The following UBAC2 variants were observed in gnomAD, a reference collection of about 807,000 sequenced individuals.
UBAC2 encodes UBA domain containing 2.
Under a neutral mutation model 44.0 loss-of-function variants are expected in UBAC2, and 26 were observed. That is an observed-to-expected ratio of 0.59 (90% confidence interval 0.43 to 0.82). The LOEUF is 0.82. Among genes scored for constraint, UBAC2 ranks in the 40% least tolerant of loss-of-function variants. The pLI, the probability that UBAC2 is intolerant of heterozygous loss-of-function variation, is 0.00. For missense variants in UBAC2, 329 were observed against 419.4 expected, an observed-to-expected ratio of 0.78 and a Z score of 1.88; for synonymous variants, 155 against 154.3, an observed-to-expected ratio of 1.00 and a Z score of -0.04.
intron 1 of UBAC2, among the ~76,000 whole-genome samples, chr13:99,204,641 A>G (rs1183162643): frequency 1.3e-5 from 2 of 152,244 alleles, no homozygotes; most frequent in East Asian, 3.9e-4. Flanking sequence ...ATGGCATTAC[A>G]CGCTGCAGAG....
intron 1 of UBAC2, among the ~76,000 whole-genome samples, chr13:99,211,164 A>G (rs1474498049): frequency 6.6e-6 from 1 of 152,208 alleles, no homozygotes; most frequent in Middle Eastern, 3.2e-3. Context: ...AAGTTATTAC[A>G]TTTCGTATTC....
rs2044159655 is a variant in UBAC2, at chr13:99,295,656, G to A, written c.390-18441G>A. On this transcript the variant is annotated intron_variant, in intron 4 of 8. Transcript: ENST00000403766. The surrounding 1 kb of genome is among the most constrained non-coding windows in gnomAD (Gnocchi z 4.1). ...GACATAGGGTTGATGAGGAGTGGGA[G>A]TGTCTGAGCAAATACTAGAATCCAG... The A allele has an allele frequency of 1.2e-6, 2 of 1,614,048 alleles. No homozygotes were observed. Among genetic ancestry groups the A allele is most frequent in the Non-Finnish European group, 1.7e-6 (2 of 1,180,042 alleles).
At chr13:99,339,940 A>G (rs1203692184) in intron 6 of UBAC2, among the ~76,000 whole-genome samples, 1 of 152,202 alleles carries the variant, frequency 6.6e-6, no homozygotes, top group African/African-American at 2.4e-5. Context: ...TGTCTCTGTG[A>G]TGGCCATCTG....
intron 1 of UBAC2, among the ~76,000 whole-genome samples, chr13:99,229,333 G>C (rs1379439438): frequency 1.3e-5 from 2 of 152,230 alleles, no homozygotes; most frequent in Non-Finnish European, 2.9e-5. Context: ...GTGCTAATAA[G>C]GAAGGCATTG....
chr13:99,283,146 C>T (rs1472968712), intron 4 of UBAC2, among the ~76,000 whole-genome samples: 1 of 152,186 alleles, frequency 6.6e-6, no homozygotes, highest in Non-Finnish European at 1.5e-5. Context: ...ACAGTTCTCT[C>T]TCCTAAAATT....
At chr13:99,238,876 T>C (rs2043269756) in intron 2 of UBAC2, among the ~76,000 whole-genome samples, 1 of 152,374 alleles carries the variant, frequency 6.6e-6, no homozygotes, top group African/African-American at 2.4e-5. Context: ...CATACTTAGC[T>C]TTGCCAAAAC....
At chr13:99,377,738 C>T (rs766399945) in intron 8 of UBAC2, 9 of 152,242 alleles carry the variant, frequency 5.9e-5, no homozygotes, top group Admixed American at 2.0e-4. Context: ...CACCTGGCCC[C>T]GCTGCCCTCC....
chr13:99,255,640 CGAAA>C, intron 4 of UBAC2: 1 of 1,613,956 alleles, frequency 6.2e-7, no homozygotes, highest in South Asian at 1.1e-5. Context: ...ATAAAACATT[CGAAA>C]GGGTAAAGTC....
chr13:99,351,918 G>A (rs1294762561), intron 7 of UBAC2: 1 of 369,408 alleles, frequency 2.7e-6, no homozygotes, highest in Non-Finnish European at 5.4e-6. Flanking sequence ...GAGTGGCTCA[G>A]CGATACTCAC....
intron 8 of UBAC2, 144 bp downstream of exon 8, chr13:99,368,050 T>C (rs1022970946): frequency 7.5e-6 from 8 of 1,073,256 alleles, no homozygotes; most frequent in Non-Finnish European, 1.0e-5. Flanking sequence ...ATAGAGACTT[T>C]GGGCTTTTTT....
rs1309627576 is a variant in UBAC2 at position 99,242,824 on chromosome 13, A to C, written c.160-1008A>C. Among the ~76,000 whole-genome samples, 938 of 141,988 alleles carry C rather than the reference A, an allele frequency of 6.6e-3. 22 individuals are homozygous for C. The highest frequency in any genetic ancestry group is 0.024 in the African/African-American group (900 of 37,132). The allele number at this position is 141,988 out of a possible 152,430, so 93.1% of individuals were successfully genotyped here. A position where few individuals can be genotyped will look rare whatever the true frequency, so the allele number is the denominator to read the frequency against. On this transcript the variant is annotated intron_variant, in intron 2 of 8. Coordinates refer to ENST00000403766, the MANE Select transcript of UBAC2 (RefSeq NM_001144072.2). ...TGGCTGCCGGGCGGAGGGGCTCCTC[A>C]CTTCTCAGACGGGGCGGCCGGGCAG...
At position 99,245,681 on chromosome 13, in the gene UBAC2, A is replaced by T. The variant is rs1354046158; in HGVS notation, c.389+1057A>T. The stretch of plus-strand genomic sequence containing the variant: ...TATGGTGAAACCCCATCTCTACTAG[A>T]AATACAAAAATTAGTTGGGCGTGGT... On this transcript the variant is annotated intron_variant, in intron 4 of 8. Coordinates refer to ENST00000403766, the MANE Select transcript of UBAC2 (RefSeq NM_001144072.2). 2.0e-5 allele frequency among the ~76,000 whole-genome samples: 3 copies of T among 152,234 alleles called. No individual in the cohort carries two copies. In the East Asian group the frequency reaches 5.8e-4, roughly 29 times the overall value.
intron 4 of UBAC2, among the ~76,000 whole-genome samples, chr13:99,290,386 G>A (rs1055571766): frequency 6.6e-6 from 1 of 152,144 alleles, no homozygotes; most frequent in Non-Finnish European, 1.5e-5. Flanking sequence ...TTGTAATTAG[G>A]TGTGCCAAGG....
chr13:99,254,810 A>G (rs2043511465), intron 4 of UBAC2: 1 of 1,189,020 alleles, frequency 8.4e-7, no homozygotes, highest in Non-Finnish European at 1.2e-6. Flanking sequence ...TATACAGAAT[A>G]TCCATTGACG....
chr13:99,215,449 T>C, intron 1 of UBAC2: 1 of 1,366,966 alleles, frequency 7.3e-7, no homozygotes, highest in Admixed American at 1.7e-5. Flanking sequence ...CCAGCAATTG[T>C]AGCCTTGATG....
chr13:99,240,695 C>A (rs1031476469), intron 2 of UBAC2, among the ~76,000 whole-genome samples: 1 of 152,132 alleles, frequency 6.6e-6, no homozygotes. Context: ...CAGTGTGACT[C>A]CGGTACTGTT....
intron 4 of UBAC2, among the ~76,000 whole-genome samples, chr13:99,285,932 C>G (rs1025373302): frequency 6.6e-6 from 1 of 152,116 alleles, no homozygotes; most frequent in Non-Finnish European, 1.5e-5. Context: ...GTTCAACTCC[C>G]TGAAACTCCC....
At chr13:99,346,178 G>T (rs1373059198) in intron 7 of UBAC2, among the ~76,000 whole-genome samples, 1 of 152,052 alleles carries the variant, frequency 6.6e-6, no homozygotes, top group African/African-American at 2.4e-5. Flanking sequence ...TGTCCTTCCT[G>T]CCTTCCCCAC....
intron 1 of UBAC2, among the ~76,000 whole-genome samples, chr13:99,233,595 T>C (rs1364513392): frequency 6.6e-6 from 1 of 152,154 alleles, no homozygotes; most frequent in Non-Finnish European, 1.5e-5. Context: ...TCAGAGGGCT[T>C]CCACCTGGAC....
Sources: allele counts gnomAD v4.1 joint callset (sites outside exome capture counted in the v4.1 genomes callset), GRCh38; gene constraint gnomAD v4.1.1; non-coding constraint Gnocchi (gnomAD v3.1); transcripts MANE v1.5; gene names NCBI Gene and HGNC (gene_info 2026-07-23, HGNC 2026-07-21).